Variants in NEGR1 observed in about 807,000 individuals in gnomAD.
NEGR1 encodes neuronal growth regulator 1, also known as IgLON family member 4.
A neutral mutation model predicts 40.9 loss-of-function variants in NEGR1; 10 were observed. The ratio of observed to expected loss-of-function variants is 0.24; its 90% confidence interval spans 0.15 to 0.42. The LOEUF is 0.42. Among genes scored for constraint, NEGR1 ranks in the 10% least tolerant of loss-of-function variants. The pLI, the probability that NEGR1 is intolerant of heterozygous loss-of-function variation, is 1.00. For synonymous variants in NEGR1, 185 were observed against 166.8 expected (o/e 1.11, Z -0.84); for missense variants, 352 against 438.9 (o/e 0.80, Z 1.77).
chr1:71,494,818 A>G (rs1270492304), intron 6 of NEGR1, among the ~76,000 whole-genome samples: 1 of 151,936 alleles, frequency 6.6e-6, no homozygotes, highest in Admixed American at 6.6e-5. Flanking sequence ...CTAAATATCT[A>G]TATATTGACT....
At chr1:71,743,966 C>G (rs1323256395) in intron 3 of NEGR1, among the ~76,000 whole-genome samples, 1 of 152,072 alleles carries the variant, frequency 6.6e-6, no homozygotes, top group African/African-American at 2.4e-5. Flanking sequence ...TATGATCTGT[C>G]TTGTAGTTAC....
chr1:72,108,082 C>T (rs989311589), intron 1 of NEGR1, among the ~76,000 whole-genome samples: 6 of 151,444 alleles, frequency 4.0e-5, no homozygotes, highest in African/African-American at 1.2e-4. Flanking sequence ...AAATTTGCAG[C>T]TGAGCATTTT....
intron 1 of NEGR1, among the ~76,000 whole-genome samples, chr1:72,044,992 C>G (rs1240069508): frequency 6.6e-6 from 1 of 151,644 alleles, no homozygotes; most frequent in Non-Finnish European, 1.5e-5. Flanking sequence ...GGCTTTTTCC[C>G]TCTGACATAA....
intron 6 of NEGR1, among the ~76,000 whole-genome samples, chr1:71,451,492 C>T: frequency 6.6e-6 from 1 of 151,990 alleles, no homozygotes; most frequent in East Asian, 1.9e-4. Flanking sequence ...CGCCACCACG[C>T]CCAGATAATT....
At chr1:71,831,489 C>A (rs374201146) in intron 2 of NEGR1, among the ~76,000 whole-genome samples, 1 of 151,898 alleles carries the variant, frequency 6.6e-6, no homozygotes, top group Admixed American at 6.6e-5. Flanking sequence ...AAAATTTATA[C>A]CTGACATGTT....
chr1:71,757,731 G>A (rs1372431269), intron 3 of NEGR1, among the ~76,000 whole-genome samples: 1 of 151,942 alleles, frequency 6.6e-6, no homozygotes, highest in African/African-American at 2.4e-5. Context: ...TCTGGTGATT[G>A]CCCAGTAAAC....
At chr1:71,776,451 C>G (rs556653044) in intron 2 of NEGR1, among the ~76,000 whole-genome samples, 154 bp from the exon 3 acceptor site, 362 of 152,246 alleles carry the variant, frequency 2.4e-3, no homozygotes, top group African/African-American at 8.3e-3. Context: ...TCTCTAGAAC[C>G]TCAAGACTTT....
At chr1:71,858,954 T>C (rs1436699610) in intron 2 of NEGR1, among the ~76,000 whole-genome samples, 1 of 152,062 alleles carries the variant, frequency 6.6e-6, no homozygotes, top group Non-Finnish European at 1.5e-5. Context: ...CCTGGTTCCC[T>C]GTAACTCTTA....
chr1:71,945,413 C>A (rs1326435815), intron 1 of NEGR1, among the ~76,000 whole-genome samples: 1 of 151,970 alleles, frequency 6.6e-6, no homozygotes, highest in Non-Finnish European at 1.5e-5. Context: ...TAACAAAAAA[C>A]CCTATGTATA....
chr1:72,182,388 G>A (rs1652410875), intron 1 of NEGR1, among the ~76,000 whole-genome samples: 1 of 152,092 alleles, frequency 6.6e-6, no homozygotes, highest in African/African-American at 2.4e-5. Context: ...AGTTACTTGG[G>A]AGGCTGAGCC....
chr1:71,747,355 T>C (rs2101683299), intron 3 of NEGR1, among the ~76,000 whole-genome samples: 1 of 152,030 alleles, frequency 6.6e-6, no homozygotes, highest in African/African-American at 2.4e-5. Flanking sequence ...TATTAAAACA[T>C]AAAAATAAAT....
rs772314549 is a variant in NEGR1 at position 71,594,950 on chromosome 1, GA to G, written c.789-1983del. ...CTATTTACCTGCCGAAGAGTTGAGA[GA>G]GAAATTAACCAGGGCCTTCAACTGG... is the stretch of plus-strand genomic sequence containing the variant. On this transcript the variant is annotated intron_variant, in intron 5 of 6. Coordinates refer to ENST00000357731, the MANE Select transcript of NEGR1 (RefSeq NM_173808.3). 7.9e-4 allele frequency among the ~76,000 whole-genome samples: 121 copies of G among 152,322 alleles called. 1 individual carries two copies. The highest frequency in any genetic ancestry group is 1.4e-3 in the Non-Finnish European group (93 of 68,022).
Position 71,691,374 on chromosome 1 carries a change from G to T in NEGR1, c.667+6634C>A, listed in dbSNP as rs144293988. Among the ~76,000 whole-genome samples the T allele has an allele frequency of 6.0e-3, 908 of 151,784 alleles. 16 individuals carry two copies. Among genetic ancestry groups the T allele is most frequent in the African/African-American group, 0.02 (842 of 41,462 alleles). The stretch of plus-strand genomic sequence containing the variant: ...TTTCAATTTTGTTGTATTAAGAAAA[G>T]AAGTATTTTACTTATTTTTTGGGTG... On this transcript the variant is annotated intron_variant, in intron 4 of 6. Coordinates refer to ENST00000357731, the MANE Select transcript of NEGR1 (RefSeq NM_173808.3).
At chr1:72,020,908 GA>G (rs1646750534) in intron 1 of NEGR1, among the ~76,000 whole-genome samples, 1 of 152,044 alleles carries the variant, frequency 6.6e-6, no homozygotes, top group African/African-American at 2.4e-5. Flanking sequence ...CAGATTTAAA[GA>G]AAAAAGTCAA....
intron 6 of NEGR1, among the ~76,000 whole-genome samples, chr1:71,525,390 A>G (rs1376148241): frequency 2.0e-5 from 3 of 151,672 alleles, no homozygotes; most frequent in Non-Finnish European, 4.4e-5. Context: ...ATGCTCTCCC[A>G]TTATAAATCT....
chr1:71,716,899 A>C (rs1654296598), intron 3 of NEGR1, among the ~76,000 whole-genome samples: 1 of 152,222 alleles, frequency 6.6e-6, no homozygotes, highest in Non-Finnish European at 1.5e-5. Context: ...AAATTGCAAA[A>C]AACAAAAGTG....
At chr1:71,814,055 G>A (rs2101766402) in intron 2 of NEGR1, among the ~76,000 whole-genome samples, 1 of 152,186 alleles carries the variant, frequency 6.6e-6, no homozygotes, top group East Asian at 1.9e-4. Flanking sequence ...GTATGATATT[G>A]GCTGTGGATT....
intron 1 of NEGR1, among the ~76,000 whole-genome samples, chr1:71,979,722 C>T (rs1403814797): frequency 6.6e-6 from 1 of 151,998 alleles, no homozygotes; most frequent in Non-Finnish European, 1.5e-5. Flanking sequence ...TCAGTTTATT[C>T]TGAGGTGGTG....
At chr1:72,090,392 C>T (rs2821258) in intron 1 of NEGR1, among the ~76,000 whole-genome samples, 2,423 of 148,042 alleles carry the variant, frequency 0.016, 68 homozygotes, top group African/African-American at 0.058. Flanking sequence ...AGAGCTCCCA[C>T]TATAGAAATA....
Sources: allele counts gnomAD v4.1 joint callset (sites outside exome capture counted in the v4.1 genomes callset), GRCh38; gene constraint gnomAD v4.1.1; transcripts MANE v1.5; gene names NCBI Gene and HGNC (gene_info 2026-07-23, HGNC 2026-07-21).